Variants in PRG4 observed in about 807,000 individuals in gnomAD.
PRG4 encodes the protein articular superficial zone protein.
Under a neutral mutation model 91.2 loss-of-function variants are expected in PRG4, and 61 were observed. The ratio of observed to expected loss-of-function variants is 0.67; its 90% CI spans 0.54 to 0.83. The LOEUF is 0.83. Among genes scored for constraint, PRG4 ranks in the 40% least tolerant of loss-of-function variants. PRG4 has a pLI of 0.00. For missense variants in PRG4, 1,564 were observed against 1,714.2 expected (o/e 0.91, Z 1.55); for synonymous variants, 576 against 614.2 (o/e 0.94, Z 0.92).
At position 186,296,851 on chromosome 1, in the gene PRG4, G is replaced by T. The variant is rs749820846; in HGVS notation, c.-25G>T. The T allele has an allele frequency of 4.4e-6, 7 of 1,579,412 alleles. No homozygotes were observed. The African/African-American group carries it at 5.4e-5, about 12-fold the overall frequency. ...TACTTTTATTTTATTTTCAGCAAGG[G>T]TACCTACGGTACCTGAAAACAACGA... On this transcript the variant is annotated 5_prime_UTR_variant, in exon 2 of 13. Coordinates refer to ENST00000445192, the MANE Select transcript of PRG4 (RefSeq NM_005807.6).
At position 186,307,479 on chromosome 1, in the gene PRG4, C is replaced by A. The variant is rs774553687; in HGVS notation, c.1760C>A (p.Thr587Asn). The A allele has an allele frequency of 1.8e-5, 29 of 1,575,576 alleles. No homozygotes were observed. The Admixed American group carries it at 4.9e-4, about 27-fold the overall frequency. Residue 587 changes from threonine to asparagine, a missense_variant, in exon 7 of 13, where the codon ACC becomes AAC. Transcript: ENST00000445192. ...ACTACCCCCAAGGAGCCTGCACCCA[C>A]CACTCCCAAGGAACCTGCACCCACC... The part of the protein sequence containing the change: ...APTTPKEPAP[T>N]TPKEPAPTTT...
In PRG4 at chr1:186,308,729, A is replaced by G. The variant is rs772367672; in HGVS notation, c.3010A>G (p.Thr1004Ala). 3.1e-6 allele frequency: 5 copies of G among 1,614,016 alleles called. No homozygotes were observed. The highest frequency in any genetic ancestry group is 4.2e-6 in the Non-Finnish European group (5 of 1,180,040). ...TGAGATTATGAACAAACCTGAAGAA[A>G]CAGCTAAACCAAAAGACAGAGCTAC... ...TTEIMNKPEE[T>A]AKPKDRATNS... The change falls in exon 7 of 13, where the codon ACA (threonine) becomes GCA (alanine). Residue 1004 changes from threonine (T) to alanine (A), a missense_variant. Physicochemically the swap from Thr to Ala is moderately conservative, Grantham distance 58. Coordinates refer to ENST00000445192, the MANE Select transcript of PRG4 (RefSeq NM_005807.6).
At position 186,307,429 on chromosome 1, in the gene PRG4, C is replaced by T; in HGVS notation, c.1710C>T (p.Pro570=). Residue 570 remains proline (P), a synonymous_variant, in exon 7 of 13, where the codon CCC becomes CCT. Coordinates refer to ENST00000445192, the MANE Select transcript of PRG4 (RefSeq NM_005807.6). ...PAPTTPKEPA[P]TTPKKPAPTT... ...CCACCACTCCCAAGGAGCCTGCACC[C>T]ACCACCCCCAAGAAGCCTGCCCCAA... 1.3e-6 allele frequency: 2 copies of T among 1,580,014 alleles called. No homozygotes were observed. Among genetic ancestry groups the T allele is most frequent in the Non-Finnish European group, 8.6e-7 (1 of 1,164,336 alleles).
intron 7 of PRG4, among the ~76,000 whole-genome samples, chr1:186,309,453 T>C (rs180713572): frequency 1.3e-5 from 2 of 152,308 alleles, no homozygotes; most frequent in Admixed American, 1.3e-4. Flanking sequence ...ATCTGTAGTA[T>C]CATTTTCCAA....
rs1657179875 is a variant in PRG4 at position 186,311,045 on chromosome 1, T to C, written c.3511T>C (p.Trp1171Arg). Reference sequence around the variant, plus strand: ...TCCTTAAATTTTAGGTCATTATTTCTGGATGCTAAGTCCATTCAGTCCACC... The same window carrying C: ...TCCTTAAATTTTAGGTCATTATTTCCGGATGCTAAGTCCATTCAGTCCACC... ...TLVAFRGHYF[W>R]MLSPFSPPSP... The change falls in exon 9 of 13, where the codon TGG becomes CGG. Residue 1171 changes from tryptophan (W) to arginine (R), a missense_variant. Transcript: ENST00000445192. 4 of 1,614,030 alleles carry C rather than the reference T, an allele frequency of 2.5e-6. No individual in the cohort carries two copies. Among genetic ancestry groups the C allele is most frequent in the Non-Finnish European group, 8.5e-7 (1 of 1,180,006 alleles).
chr1:186,305,941 AG>A (rs1452826342), intron 6 of PRG4, among the ~76,000 whole-genome samples: 2 of 152,190 alleles, frequency 1.3e-5, no homozygotes, highest in African/African-American at 4.8e-5. Flanking sequence ...TGGTAGTACT[AG>A]GTTTCCAGGA....
intron 2 of PRG4, among the ~76,000 whole-genome samples, chr1:186,297,977 G>A (rs1655964373): frequency 6.6e-6 from 1 of 152,184 alleles, no homozygotes; most frequent in Non-Finnish European, 1.5e-5. Context: ...ACTATGACAA[G>A]GTTCACAACA....
Position 186,308,093 on chromosome 1 carries a change from A to C in PRG4, c.2374A>C (p.Thr792Pro). Residue 792 changes from threonine (T) to proline (P), a missense_variant, in exon 7 of 13, where the codon ACT becomes CCT. This residue lies in a region of PRG4 where 1,079 missense variants were observed against 1,162.2 expected (regional missense o/e 0.93). Transcript: ENST00000445192. ...AACTACCCTCAAGGAACCTGCACCC[A>C]CTACTCCCAAGAAGCCTGCCCCCAA... ...APTTLKEPAP[T>P]TPKKPAPKEL... 1 of 1,609,904 alleles carries C rather than the reference A, an allele frequency of 6.2e-7. No homozygotes were observed. Among genetic ancestry groups the C allele is most frequent in the Non-Finnish European group, 8.5e-7 (1 of 1,179,000 alleles).
rs557707120 is a variant in PRG4 at position 186,308,932 on chromosome 1, C to T, written c.3213C>T (p.Ala1071=). ...ACCCTACCTCAAGAATAGCAGAAGCCATGCTCCAAACCACCACCAGACCTA... is the reference window on the plus strand; with the variant it reads ...ACCCTACCTCAAGAATAGCAGAAGCTATGCTCCAAACCACCACCAGACCTA... ...ELNPTSRIAE[A]MLQTTTRPNQ... Residue 1071 remains alanine (A), a synonymous_variant, in exon 7 of 13, where the codon GCC becomes GCT. Transcript: ENST00000445192. 7.4e-6 allele frequency: 12 copies of T among 1,611,400 alleles called. No homozygotes were observed. Among genetic ancestry groups the T allele is most frequent in the Non-Finnish European group, 1.0e-5 (12 of 1,179,096 alleles).
chr1:186,306,319 A>G lies in PRG4; in HGVS notation c.600A>G (p.Val200=). The change falls in exon 7 of 13, where the codon GTA becomes GTG. Residue 200 remains valine (V), a splice_region_variant and synonymous_variant. Coordinates refer to ENST00000445192, the MANE Select transcript of PRG4 (RefSeq NM_005807.6). Reference sequence around the variant, plus strand: ...ACAAGATGTATATTTTTTCTCCAGTAAAAGATAACAAGAAGAACAGAACTA... The same window carrying G: ...ACAAGATGTATATTTTTTCTCCAGTGAAAGATAACAAGAAGAACAGAACTA... ...ANRELQKKLK[V]KDNKKNRTKK... 6.3e-7 allele frequency: 1 copy of G among 1,578,574 alleles called. No individual in the cohort carries two copies. The highest frequency in any genetic ancestry group is 1.2e-5 in the South Asian group (1 of 84,764).
Position 186,312,884 on chromosome 1 carries a change from CT to C in PRG4, c.4111del (p.Ser1371LeufsTer44), listed in dbSNP as rs1557972937. 2 of 1,612,160 alleles carry C rather than the reference CT, an allele frequency of 1.2e-6. No homozygotes were observed. The highest frequency in any genetic ancestry group is 1.7e-6 in the Non-Finnish European group (2 of 1,178,264). On this transcript the variant is annotated frameshift_variant, in exon 12 of 13. Transcript: ENST00000445192. LOFTEE classifies it high-confidence loss of function. ...AACCTGACGGCTATGATTACTATGC[CT>C]TTTCTAAAGGTAAGGTATTAACTAA... ...RKPDGYDYYA[F>X]SKDQYYNIDV... is the part of the protein sequence containing the mutation.
rs1406294 is a variant in PRG4 at position 186,314,293 on chromosome 1, G to A, written c.*515G>A. On this transcript the variant is annotated 3_prime_UTR_variant, in exon 13 of 13. Coordinates refer to ENST00000445192, the MANE Select transcript of PRG4 (RefSeq NM_005807.6). ...AAACATAATCACAAAGCTTTATCGT[G>A]TTGTATAAAAAAATTAACAATATAA... is the stretch of plus-strand genomic sequence containing the variant. 0.17 allele frequency: 68,623 copies of A among 404,196 alleles called. 6,474 individuals are homozygous for A. Among genetic ancestry groups the A allele is most frequent in the African/African-American group, 0.29 (13,935 of 48,756 alleles). The allele number at this position is 404,196 out of a possible 1,614,324, so 25.0% of individuals were successfully genotyped here.
chr1:186,300,252 A>G (rs752073458), intron 3 of PRG4, 39 bp downstream of exon 3: 1 of 1,612,866 alleles, frequency 6.2e-7, no homozygotes, highest in East Asian at 2.2e-5. Context: ...GTCAAGCAAC[A>G]CTGCGAGTCT....
In PRG4 at chr1:186,304,119, A is replaced by C. The variant is rs1656394508; in HGVS notation, c.331A>C (p.Thr111Pro). ...ESFCAEVHNP[T>P]SPPSSKKAPP... ...TTACTTGGCCTCAGTGCATAATCCC[A>C]CATCACCACCATCTTCAAAGAAAGC... The change falls in exon 5 of 13, where the codon ACA (threonine) becomes CCA (proline). Residue 111 changes from threonine (T) to proline (P), a missense_variant. Around this residue, in one of 3 missense-constraint regions of PRG4, gnomAD observed 437 missense variants for 459.0 expected, o/e 0.95. Coordinates refer to ENST00000445192, the MANE Select transcript of PRG4 (RefSeq NM_005807.6). 2 of 1,614,066 alleles carry C rather than the reference A, an allele frequency of 1.2e-6. No individual in the cohort carries two copies. The highest frequency in any genetic ancestry group is 2.7e-5 in the African/African-American group (2 of 75,024).
intron 8 of PRG4, among the ~76,000 whole-genome samples, chr1:186,310,308 G>A (rs1657098626): frequency 6.6e-6 from 1 of 152,142 alleles, no homozygotes; most frequent in South Asian, 2.1e-4. Flanking sequence ...GTTATTTCAT[G>A]TTAATTCTCT....
intron 3 of PRG4, 106 bp from the exon 4 acceptor site, chr1:186,301,486 T>C (rs1211980376): frequency 1.3e-6 from 2 of 1,509,680 alleles, no homozygotes; most frequent in Non-Finnish European, 9.1e-7. Flanking sequence ...GACTTAGAAA[T>C]GAACTTTTGG....
intron 3 of PRG4, 29 bp from the exon 4 acceptor site, chr1:186,301,563 T>C: frequency 1.2e-6 from 2 of 1,613,398 alleles, no homozygotes; most frequent in Non-Finnish European, 1.7e-6. Flanking sequence ...CAATGAATAA[T>C]CTGTAACTTC....
rs764493899 is a variant in PRG4, at chr1:186,312,909, AAC to A, written c.4117+17_4117+18del. ...CTTTTCTAAAGGTAAGGTATTAACTAACAGTTTCCCAAGGAGGTGATATCATT... is the reference window on the plus strand; with the variant it reads ...CTTTTCTAAAGGTAAGGTATTAACTAAGTTTCCCAAGGAGGTGATATCATT... On this transcript the variant is annotated intron_variant, in intron 12 of 12. Coordinates refer to ENST00000445192, the MANE Select transcript of PRG4 (RefSeq NM_005807.6). 1 of 1,606,982 alleles carries A rather than the reference AAC, an allele frequency of 6.2e-7. No homozygotes were observed. Among genetic ancestry groups the A allele is most frequent in the East Asian group, 2.2e-5 (1 of 44,818 alleles).
intron 6 of PRG4, 51 bp downstream of exon 6, chr1:186,304,973 G>T (rs1000075687): frequency 1.5e-5 from 23 of 1,576,934 alleles, no homozygotes; most frequent in Non-Finnish European, 2.0e-5. Context: ...TATTAACAAT[G>T]ATTATATTTA....
Sources: gnomAD v4.1 joint callset for allele counts (sites outside exome capture counted in the v4.1 genomes callset) on GRCh38, gnomAD v4.1.1 for gene constraint, gnomAD v4.1.1 regional missense constraint, MANE v1.5 for transcripts, NCBI Gene and HGNC (gene_info 2026-07-23, HGNC 2026-07-21) for gene names.